The following ZNF121 variants were observed in gnomAD, a reference collection of about 807,000 sequenced individuals.
ZNF121 encodes zinc finger protein 121.
In ZNF121, 1 loss-of-function variant was observed where a neutral mutation model predicts 2.4. The observed-to-expected ratio is 0.41, with a 90% CI of 0.15 to 1.94. The LOEUF is 1.94. ZNF121 is among the 30% of genes most tolerant of loss of function. The pLI is 0.30. For synonymous variants in ZNF121, 173 were observed against 158.6 expected (o/e 1.09, Z -0.68); for missense variants, 369 against 466.3 (o/e 0.79, Z 1.92).
chr19:9,568,233 TA>T (rs2074148284), intron 2 of ZNF121, 58 bp from the exon 3 acceptor site: 1 of 759,982 alleles, frequency 1.3e-6, no homozygotes, highest in East Asian at 2.8e-5. Context: ...AACAGTAGGT[TA>T]AATAAGTCAG....
chr19:9,581,931 G>C (rs1358438404), intron 1 of ZNF121, among the ~76,000 whole-genome samples: 1 of 152,098 alleles, frequency 6.6e-6, no homozygotes, highest in Non-Finnish European at 1.5e-5. Context: ...AGTATCACGT[G>C]TGCAATTATG....
chr19:9,580,073 A>T (rs1046211405), intron 1 of ZNF121, among the ~76,000 whole-genome samples: 1 of 152,040 alleles, frequency 6.6e-6, no homozygotes, highest in Non-Finnish European at 1.5e-5. Context: ...CGGGCGGATC[A>T]CGACGTCAGG....
chr19:9,569,748 G>A (rs764400623), intron 1 of ZNF121, among the ~76,000 whole-genome samples: 1 of 150,094 alleles, frequency 6.7e-6, no homozygotes, highest in African/African-American at 2.4e-5. Context: ...GGCCAGGCTT[G>A]TCTTGAACTC....
chr19:9,574,207 G>A (rs577764677), intron 1 of ZNF121, among the ~76,000 whole-genome samples: 7 of 151,984 alleles, frequency 4.6e-5, no homozygotes, highest in South Asian at 2.1e-4. Flanking sequence ...GTGCAATGGC[G>A]CGATCTCGGC....
In ZNF121 at chr19:9,566,724, C is replaced by G; in HGVS notation, c.389G>C (p.Ser130Thr). ...ATGCATTTTAACAGACACAGCATGG[C>G]TTGTGGAGTAAGTAAAAGCTCTCCC... The part of the protein sequence containing the change: ...QCGRAFTYST[S>T]HAVSVKMHTV... The change falls in exon 4 of 4, where the codon AGC becomes ACC. Residue 130 changes from serine to threonine, a missense_variant. Around this residue, in one of 4 missense-constraint regions of ZNF121, gnomAD observed 168 missense variants for 162.3 expected, o/e 1.03. Coordinates refer to ENST00000320451, the MANE Select transcript of ZNF121 (RefSeq NM_001008727.5). The G allele has an allele frequency of 6.2e-7, 1 of 1,614,216 alleles. No individual in the cohort carries two copies. The highest frequency in any genetic ancestry group is 1.3e-5 in the African/African-American group (1 of 75,060).
intron 1 of ZNF121, among the ~76,000 whole-genome samples, chr19:9,583,534 C>A (rs1421783533): frequency 7.8e-6 from 1 of 127,932 alleles, no homozygotes; most frequent in Non-Finnish European, 1.6e-5. Context: ...GACGGAGTCT[C>A]CCTCTTTTGC....
chr19:9,574,295 T>C (rs2074195106), intron 1 of ZNF121, among the ~76,000 whole-genome samples: 1 of 151,936 alleles, frequency 6.6e-6, no homozygotes, highest in Non-Finnish European at 1.5e-5. Flanking sequence ...ACAGGCACAT[T>C]CCAACATGCC....
chr19:9,569,982 G>A (rs2074162349), intron 1 of ZNF121, among the ~76,000 whole-genome samples: 2 of 150,668 alleles, frequency 1.3e-5, no homozygotes, highest in African/African-American at 4.9e-5. Flanking sequence ...TGTCCCCCAG[G>A]CTGGAGTGTA....
chr19:9,574,972 A>C (rs1334800266), intron 1 of ZNF121, among the ~76,000 whole-genome samples: 1 of 152,188 alleles, frequency 6.6e-6, no homozygotes, highest in African/African-American at 2.4e-5. Context: ...TTTACTTTTT[A>C]CAACCAAGTT....
intron 2 of ZNF121, 88 bp from the exon 3 acceptor site, chr19:9,568,263 T>A (rs2074148475): frequency 1.7e-6 from 1 of 574,180 alleles, no homozygotes. Context: ...AGCTCATTTT[T>A]ATTTGTCATA....
Position 9,562,001 on chromosome 19 carries a change from T to A in ZNF121, c.*3939A>T, listed in dbSNP as rs1055696132. ...ACTTTGCTTCATCTCACTTTACAGATATTTTTCACAAGTAGAAGTCCTGTG... is the reference window on the plus strand; with the variant it reads ...ACTTTGCTTCATCTCACTTTACAGAAATTTTTCACAAGTAGAAGTCCTGTG... On this transcript the variant is annotated 3_prime_UTR_variant, in exon 4 of 4. Transcript: ENST00000320451. 6.6e-6 allele frequency: 1 copy of A among 152,116 alleles called. No homozygotes were observed. Among genetic ancestry groups the A allele is most frequent in the African/African-American group, 2.4e-5 (1 of 41,416 alleles). 9.4% of individuals were successfully genotyped at this position (152,116 alleles called of 1,614,324 possible).
At chr19:9,579,349 C>G (rs2074233287) in intron 1 of ZNF121, among the ~76,000 whole-genome samples, 1 of 152,080 alleles carries the variant, frequency 6.6e-6, no homozygotes, top group African/African-American at 2.4e-5. Context: ...GAAGTTCGAG[C>G]CAGCCTGGAC....
Position 9,568,148 on chromosome 19 carries a change from G to A in ZNF121, c.-51C>T. Reference sequence around the variant, plus strand: ...AGCCAAAAAAAAATGTTGTTGAGGTGCTGACACTTTGGTTTTAACTTGCCA... The same window carrying A: ...AGCCAAAAAAAAATGTTGTTGAGGTACTGACACTTTGGTTTTAACTTGCCA... On this transcript the variant is annotated 5_prime_UTR_variant, in exon 3 of 4. Coordinates refer to ENST00000320451, the MANE Select transcript of ZNF121 (RefSeq NM_001008727.5). The A allele has an allele frequency of 1.3e-6, 2 of 1,511,448 alleles. No homozygotes were observed. The highest frequency in any genetic ancestry group is 2.3e-5 in the East Asian group (1 of 43,864). 93.6% of individuals were successfully genotyped at this position (1,511,448 alleles called of 1,614,324 possible). A position where few individuals can be genotyped will look rare whatever the true frequency, so the allele number is the denominator to read the frequency against.
At chr19:9,582,757 A>C (rs1020703204) in intron 1 of ZNF121, among the ~76,000 whole-genome samples, 1 of 151,858 alleles carries the variant, frequency 6.6e-6, no homozygotes, top group African/African-American at 2.4e-5. Context: ...TCAAAAAAAA[A>C]AAAAAAAAAA....
chr19:9,567,605 AT>A lies in ZNF121; in HGVS notation c.3+489del, dbSNP rs756830873. ...CATTTACTGTGACTTTATTTCTATT[AT>A]TATTACATTGTAATATATAATGAAA... On this transcript the variant is annotated intron_variant, in intron 3 of 3. Coordinates refer to ENST00000320451, the MANE Select transcript of ZNF121 (RefSeq NM_001008727.5). The A allele has an allele frequency of 4.8e-5, 13 of 268,072 alleles. No homozygotes were observed. In the South Asian group the frequency reaches 5.0e-4, roughly 10 times the overall value. 16.6% of individuals were successfully genotyped at this position (268,072 alleles called of 1,614,324 possible).
At chr19:9,579,990 G>A (rs1047895466) in intron 1 of ZNF121, among the ~76,000 whole-genome samples, 1 of 152,050 alleles carries the variant, frequency 6.6e-6, no homozygotes. Context: ...CATGTCTGTG[G>A]GTAAAGATAT....
chr19:9,570,579 T>A (rs1482612566), intron 1 of ZNF121, among the ~76,000 whole-genome samples: 2 of 152,068 alleles, frequency 1.3e-5, no homozygotes, highest in Admixed American at 1.3e-4. Context: ...TGTTTGTTTG[T>A]TTTTGAGACG....
At chr19:9,578,586 A>C (rs2074227728) in intron 1 of ZNF121, among the ~76,000 whole-genome samples, 1 of 152,198 alleles carries the variant, frequency 6.6e-6, no homozygotes, top group Admixed American at 6.5e-5. Context: ...AAGGCACCAA[A>C]AGCATACAAT....
rs377308281 is a variant in ZNF121 at position 9,577,282 on chromosome 19, A to G, written c.-160+7179T>C. ...AATATGGTGAAATCCTGTCTCTACT[A>G]AAAAAAAACACAAAAGTTAGCTGGG... On this transcript the variant is annotated intron_variant, in intron 1 of 3. Transcript: ENST00000320451. Among the ~76,000 whole-genome samples the G allele has an allele frequency of 1.6e-4, 24 of 150,692 alleles. No homozygotes were observed. In the East Asian group the frequency reaches 1.8e-3, roughly 11 times the overall value.
Sources: gnomAD v4.1 joint callset for allele counts (sites outside exome capture counted in the v4.1 genomes callset) on GRCh38, gnomAD v4.1.1 for gene constraint, gnomAD v4.1.1 regional missense constraint, MANE v1.5 for transcripts, NCBI Gene and HGNC (gene_info 2026-07-23, HGNC 2026-07-21) for gene names.